ZDHHC2: variants seen among roughly 807,000 people sequenced by gnomAD.
ZDHHC2 encodes palmitoyltransferase ZDHHC2.
Under a neutral mutation model 55.6 loss-of-function variants are expected in ZDHHC2, and 51 were observed. The observed-to-expected ratio is 0.92, with a 90% CI of 0.73 to 1.16. The LOEUF (loss-of-function observed/expected upper bound fraction) is 1.16, where lower values mean the gene tolerates loss of function less well. Ranked by LOEUF, ZDHHC2 falls within the 50% of genes most tolerant of loss-of-function variation. The pLI is 0.00. For missense variants in ZDHHC2, 491 were observed against 442.4 expected (o/e 1.11, Z -0.99); for synonymous variants, 199 against 152.9 (o/e 1.30, Z -2.22).
chr8:17,206,194 G>C (rs887021249), intron 7 of ZDHHC2, among the ~76,000 whole-genome samples: 3 of 152,188 alleles, frequency 2.0e-5, no homozygotes, highest in African/African-American at 7.2e-5. Flanking sequence ...TAGTGCTGAA[G>C]TGTGGTCTAA....
chr8:17,201,043 C>T (rs1472836787), intron 6 of ZDHHC2, among the ~76,000 whole-genome samples: 1 of 152,158 alleles, frequency 6.6e-6, no homozygotes, highest in African/African-American at 2.4e-5. Flanking sequence ...ATGGAGCAGC[C>T]ATTGTATTTA....
At chr8:17,194,602 G>C (rs1192510777) in intron 3 of ZDHHC2, among the ~76,000 whole-genome samples, 2 of 151,746 alleles carry the variant, frequency 1.3e-5, no homozygotes, top group Non-Finnish European at 2.9e-5. Context: ...ATGTTGTTTA[G>C]CTTGCTGGTT....
At chr8:17,212,612 C>T (rs776108815) in intron 10 of ZDHHC2, among the ~76,000 whole-genome samples, 5 of 152,210 alleles carry the variant, frequency 3.3e-5, no homozygotes, top group Non-Finnish European at 5.9e-5. Context: ...CCATGGATTA[C>T]TTCAGTAGTT....
intron 4 of ZDHHC2, 88 bp downstream of exon 4, chr8:17,195,712 G>C (rs1806272259): frequency 1.3e-6 from 2 of 1,510,964 alleles, no homozygotes; most frequent in Admixed American, 1.9e-5. Context: ...TACTTGAAAT[G>C]GTAAAACACT....
chr8:17,212,898 C>G (rs970573621), intron 10 of ZDHHC2, among the ~76,000 whole-genome samples: 40 of 152,040 alleles, frequency 2.6e-4, no homozygotes, highest in African/African-American at 9.6e-4. Context: ...ATTAACAGCC[C>G]GTTGCCCAGG....
chr8:17,208,715 A>G (rs17586836), intron 8 of ZDHHC2, among the ~76,000 whole-genome samples: 14,415 of 152,238 alleles, frequency 0.095, 774 homozygotes, highest in South Asian at 0.19. Context: ...ACCAAATACT[A>G]TTAGGGTGAA....
intron 6 of ZDHHC2, among the ~76,000 whole-genome samples, chr8:17,199,632 C>CTTCTTCCTTTCTTCTTCCT (rs1192740765): frequency 2.0e-5 from 1 of 49,568 alleles, no homozygotes; most frequent in East Asian, 3.0e-4. Flanking sequence ...TTCCTTTCTT[C>CTTCTTCCTTTCTTCTTCCT]TTCTTCTCCT....
chr8:17,184,983 C>A (rs527769419), intron 2 of ZDHHC2, among the ~76,000 whole-genome samples, 168 bp downstream of exon 2: 39 of 152,094 alleles, frequency 2.6e-4, no homozygotes, highest in African/African-American at 8.9e-4. Flanking sequence ...TCTGTCAGAC[C>A]CTTGGCAAAG....
intron 1 of ZDHHC2, among the ~76,000 whole-genome samples, chr8:17,158,762 C>T (rs1804190581): frequency 6.6e-6 from 1 of 152,210 alleles, no homozygotes. Flanking sequence ...TTATTGATAC[C>T]TTATCTATCA....
chr8:17,163,953 C>A (rs1257239920), intron 1 of ZDHHC2, among the ~76,000 whole-genome samples: 1 of 151,836 alleles, frequency 6.6e-6, no homozygotes, highest in African/African-American at 2.4e-5. Context: ...TTCCTAATTC[C>A]TTTAAGGGAA....
chr8:17,197,312 G>A (rs1806367501), intron 4 of ZDHHC2, among the ~76,000 whole-genome samples: 1 of 152,148 alleles, frequency 6.6e-6, no homozygotes, highest in Admixed American at 6.5e-5. Context: ...TGTACCCTTT[G>A]TGAGCCTTAT....
chr8:17,206,477 T>G (rs1391883398), intron 7 of ZDHHC2, among the ~76,000 whole-genome samples: 3 of 152,166 alleles, frequency 2.0e-5, no homozygotes, highest in Non-Finnish European at 2.9e-5. Flanking sequence ...AGTTCAGTGT[T>G]TGTGGAAAGT....
chr8:17,168,833 C>G (rs184405139), intron 1 of ZDHHC2, among the ~76,000 whole-genome samples: 2 of 152,196 alleles, frequency 1.3e-5, no homozygotes, highest in East Asian at 1.9e-4. Flanking sequence ...TTCATTTTTT[C>G]AAAGTTCACC....
intron 2 of ZDHHC2, among the ~76,000 whole-genome samples, chr8:17,185,586 C>T (rs1805667509): frequency 6.6e-6 from 1 of 152,078 alleles, no homozygotes. Context: ...AGGAGGATTG[C>T]TTGAGCCCCA....
intron 1 of ZDHHC2, among the ~76,000 whole-genome samples, chr8:17,169,084 A>AT (rs1804735944): frequency 2.0e-5 from 3 of 152,038 alleles, no homozygotes; most frequent in African/African-American, 7.3e-5. Context: ...TCTGTGTTTA[A>AT]TTTTTTGAGG....
chr8:17,213,178 A>T (rs1807469661), intron 10 of ZDHHC2, among the ~76,000 whole-genome samples: 2 of 152,084 alleles, frequency 1.3e-5, no homozygotes, highest in Non-Finnish European at 1.5e-5. Flanking sequence ...GCGTAACTTC[A>T]GAATAGAGGG....
chr8:17,184,855 G>A, intron 2 of ZDHHC2, 40 bp downstream of exon 2: 1 of 1,485,540 alleles, frequency 6.7e-7, no homozygotes, highest in Admixed American at 2.4e-5. Context: ...TTTTTAAATA[G>A]TTTGAAAAAA....
intron 3 of ZDHHC2, 40 bp from the exon 4 acceptor site, chr8:17,195,464 T>G: frequency 2.5e-6 from 4 of 1,576,906 alleles, no homozygotes; most frequent in Non-Finnish European, 3.4e-6. Flanking sequence ...TGTTATAATT[T>G]CTTTGAAAAT....
chr8:17,184,168 T>A (rs1426671180), intron 1 of ZDHHC2, among the ~76,000 whole-genome samples: 2 of 148,390 alleles, frequency 1.3e-5, no homozygotes, highest in African/African-American at 5.1e-5. Flanking sequence ...TGCCGCAGCT[T>A]GCTTTAGTGC....
Sources: gnomAD v4.1 joint callset for allele counts (sites outside exome capture counted in the v4.1 genomes callset) on GRCh38, gnomAD v4.1.1 for gene constraint, MANE v1.5 for transcripts, NCBI Gene and HGNC (gene_info 2026-07-23, HGNC 2026-07-21) for gene names.